Variants in MATN2 observed in about 807,000 individuals in gnomAD.
The protein encoded by MATN2 is matrilin 2, also known as matrilin-2.
MATN2 carries 69 observed loss-of-function variants against 103.2 expected under a neutral mutation model. The ratio of observed to expected loss-of-function variants is 0.67; its 90% CI spans 0.55 to 0.82. The LOEUF is 0.82. MATN2 is among the 40% of genes least tolerant of loss of function. The probability of loss-of-function intolerance (pLI) is 0.00; values close to 1 mark genes in which losing one functional copy is unlikely to be tolerated. For missense variants in MATN2, 1,023 were observed against 1,211.5 expected, an observed-to-expected ratio of 0.84 and a Z score of 2.31; for synonymous variants, 429 against 450.2, an observed-to-expected ratio of 0.95 and a Z score of 0.60.
At chr8:98,020,387 C>G (rs1813544476) in intron 12 of MATN2, among the ~76,000 whole-genome samples, 1 of 152,220 alleles carries the variant, frequency 6.6e-6, no homozygotes, top group Admixed American at 6.5e-5. Flanking sequence ...CTCAAGAAAT[C>G]TGCCTGCCTC....
chr8:97,981,194 AAAAG>A (rs1812008484), intron 6 of MATN2, among the ~76,000 whole-genome samples: 1 of 151,896 alleles, frequency 6.6e-6, no homozygotes, highest in Admixed American at 6.6e-5. Flanking sequence ...TAAAAAAAAA[AAAAG>A]GCTAAAAAGG....
rs754532003 is a variant in MATN2, at chr8:97,951,250, G to A, written c.835+9351G>A. 1.3e-3 allele frequency among the ~76,000 whole-genome samples: 204 copies of A among 152,316 alleles called. 1 individual carries two copies. The highest frequency in any genetic ancestry group is 2.3e-3 in the Non-Finnish European group (158 of 68,024). On this transcript the variant is annotated intron_variant, in intron 4 of 18. Coordinates refer to ENST00000254898, the MANE Select transcript of MATN2 (RefSeq NM_002380.5). ...ACCCTCTGGCTGTGCCAGGGCACAGGATTTTCTACAAAAGAAGGAATCTGG... is the reference window on the plus strand; with the variant it reads ...ACCCTCTGGCTGTGCCAGGGCACAGAATTTTCTACAAAAGAAGGAATCTGG...
At chr8:97,956,365 T>C (rs1317366001) in intron 4 of MATN2, among the ~76,000 whole-genome samples, 1 of 152,140 alleles carries the variant, frequency 6.6e-6, no homozygotes, top group African/African-American at 2.4e-5. Context: ...TTAATAGAGA[T>C]GGGGTTTCAC....
intron 18 of MATN2, among the ~76,000 whole-genome samples, chr8:98,035,095 C>T (rs553864938): frequency 6.6e-6 from 1 of 152,122 alleles, no homozygotes; most frequent in Admixed American, 6.5e-5. Context: ...CGGTGGCTCA[C>T]GTCTGTAATC....
chr8:97,960,489 T>C (rs1347986032), intron 4 of MATN2, among the ~76,000 whole-genome samples: 3 of 152,234 alleles, frequency 2.0e-5, no homozygotes, highest in South Asian at 4.1e-4. Context: ...AGTAGATGCA[T>C]ACTGCAATTC....
chr8:97,882,104 A>G (rs1300763284), intron 1 of MATN2, among the ~76,000 whole-genome samples: 2 of 150,372 alleles, frequency 1.3e-5, no homozygotes, highest in African/African-American at 2.4e-5. Flanking sequence ...TTGTATTTTT[A>G]GTAGAGACGG....
intron 10 of MATN2, among the ~76,000 whole-genome samples, chr8:98,010,887 G>A (rs1303035114): frequency 6.6e-6 from 1 of 152,252 alleles, no homozygotes; most frequent in Non-Finnish European, 1.5e-5. Flanking sequence ...CTGAGGCCCT[G>A]AGCTTGGCCT....
At chr8:97,981,422 A>T (rs954425969) in intron 6 of MATN2, among the ~76,000 whole-genome samples, 8 of 141,602 alleles carry the variant, frequency 5.6e-5, no homozygotes, top group Non-Finnish European at 8.9e-5. Context: ...AACTCTAAAA[A>T]AATGAGTATT....
intron 5 of MATN2, among the ~76,000 whole-genome samples, chr8:97,976,174 G>GA (rs1401910628): frequency 6.6e-6 from 1 of 151,978 alleles, no homozygotes; most frequent in Non-Finnish European, 1.5e-5. Flanking sequence ...GCCTGGGCTG[G>GA]AATGTAGTGG....
rs754129954 is a variant in MATN2, at chr8:98,035,667, GAC to G, written c.2830_2831del (p.Gln944GlufsTer48). 3 of 1,583,450 alleles carry G rather than the reference GAC, an allele frequency of 1.9e-6. No homozygotes were observed. In the African/African-American group the frequency reaches 4.0e-5, roughly 21 times the overall value. On this transcript the variant is annotated frameshift_variant, in exon 19 of 19. Transcript: ENST00000254898. LOFTEE classifies it high-confidence loss of function. ...RKLTQRLEEMTQRMEALENRL... is the reference protein window; with the variant it reads ...RKLTQRLEEMXQRMEALENRL... ...TAATTTGAGATTTACTAGAAGAAAT[GAC>G]ACAGAGAATGGAAGCCCTGGAAAAT...
chr8:98,033,204 G>A (rs1407867684), intron 17 of MATN2, 28 bp downstream of exon 17: 54 of 1,566,436 alleles, frequency 3.4e-5, no homozygotes, highest in Non-Finnish European at 4.7e-5. Flanking sequence ...ATTACTATAA[G>A]ATAACTTGAT....
rs542892074 is a variant in MATN2, at chr8:98,011,601, T to C, written c.1573+4000T>C. Among the ~76,000 whole-genome samples, 82 of 152,326 alleles carry C rather than the reference T, an allele frequency of 5.4e-4. 2 individuals carry two copies. In the South Asian group the frequency reaches 7.7e-3, roughly 14 times the overall value. ...CTTGGTTTGTCTGAGAAAAAGCCTA[T>C]ATTAAGTTAGCAAAGGATTGGCTGC... On this transcript the variant is annotated intron_variant, in intron 10 of 18. Coordinates refer to ENST00000254898, the MANE Select transcript of MATN2 (RefSeq NM_002380.5).
chr8:97,987,580 A>G (rs1812236587), intron 6 of MATN2, among the ~76,000 whole-genome samples: 1 of 152,204 alleles, frequency 6.6e-6, no homozygotes, highest in African/African-American at 2.4e-5. Context: ...CCAATTATAT[A>G]TATCTAATTT....
chr8:97,960,806 G>T (rs546207965), intron 4 of MATN2, among the ~76,000 whole-genome samples: 1 of 151,974 alleles, frequency 6.6e-6, no homozygotes, highest in East Asian at 1.9e-4. Context: ...TGAAAAATGT[G>T]TTTTTTTTAT....
Position 98,005,324 on chromosome 8 carries a change from G to A in MATN2, c.1327+1541G>A, listed in dbSNP as rs929541724. Among the ~76,000 whole-genome samples, 7 of 152,248 alleles carry A rather than the reference G, an allele frequency of 4.6e-5. No homozygotes were observed. The highest frequency in any genetic ancestry group is 5.9e-5 in the Non-Finnish European group (4 of 68,010). ...TCCTTTTGAGAGGCCAGCGGGGAGC[G>A]GGTCTCCCATTCAACAGGAGATGCC... On this transcript the variant is annotated intron_variant, in intron 8 of 18. Coordinates refer to ENST00000254898, the MANE Select transcript of MATN2 (RefSeq NM_002380.5). The surrounding 1 kb of genome is among the most constrained non-coding windows in gnomAD (Gnocchi z 4.6).
chr8:97,871,006 T>G (rs1476665700), intron 1 of MATN2, among the ~76,000 whole-genome samples: 10 of 152,332 alleles, frequency 6.6e-5, no homozygotes, highest in Admixed American at 5.2e-4. Flanking sequence ...ATCGGGGCTC[T>G]GGGGTTTCTT....
intron 5 of MATN2, among the ~76,000 whole-genome samples, chr8:97,971,652 C>T (rs375202994): frequency 4.6e-5 from 7 of 152,292 alleles, no homozygotes; most frequent in African/African-American, 1.7e-4. Flanking sequence ...ACTTACTCAC[C>T]TGGTGTTTAC....
At chr8:98,034,956 T>C (rs1272182274) in intron 18 of MATN2, among the ~76,000 whole-genome samples, 2 of 150,678 alleles carry the variant, frequency 1.3e-5, no homozygotes, top group Non-Finnish European at 2.9e-5. Flanking sequence ...GTGCTGTGGC[T>C]CACACCTGTA....
At chr8:97,955,360 GGC>G in intron 4 of MATN2, among the ~76,000 whole-genome samples, 1 of 152,334 alleles carries the variant, frequency 6.6e-6, no homozygotes, top group South Asian at 2.1e-4. Flanking sequence ...GCTCCATGGT[GGC>G]AGGGGAGATG....
Sources: allele counts gnomAD v4.1 joint callset (sites outside exome capture counted in the v4.1 genomes callset), GRCh38; gene constraint gnomAD v4.1.1; non-coding constraint Gnocchi (gnomAD v3.1); transcripts MANE v1.5; gene names NCBI Gene and HGNC (gene_info 2026-07-23, HGNC 2026-07-21).